Variants in NOL4 observed in about 807,000 individuals in gnomAD.
NOL4 encodes the protein cancer/testis antigen 125.
Under a neutral mutation model 75.9 loss-of-function variants are expected in NOL4, and 17 were observed. That is an observed-to-expected ratio of 0.22 (90% CI 0.15 to 0.34). The LOEUF is 0.34. NOL4 is among the 10% of genes least tolerant of loss of function. The pLI, the probability that NOL4 is intolerant of heterozygous loss-of-function variation, is 1.00. For synonymous variants in NOL4, 292 were observed against 289.9 expected, an observed-to-expected ratio of 1.01 and a Z score of -0.07; for missense variants, 614 against 793.5, an observed-to-expected ratio of 0.77 and a Z score of 2.72.
rs114701844 is a variant in NOL4 at position 34,057,870 on chromosome 18, A to C, written c.772+35595T>G. Among the ~76,000 whole-genome samples the C allele has an allele frequency of 3.0e-3, 457 of 152,258 alleles. 4 individuals are homozygous for C. The highest frequency in any genetic ancestry group is 0.011 in the African/African-American group (443 of 41,556). On this transcript the variant is annotated intron_variant, in intron 5 of 10. Coordinates refer to ENST00000261592, the MANE Select transcript of NOL4 (RefSeq NM_003787.5). ...TAACACATTTGCCTACTTTATCTTT[A>C]AGCTTCTATGATTATTCTGCACTTC...
chr18:33,982,676 A>G (rs1191339211), intron 6 of NOL4, among the ~76,000 whole-genome samples: 1 of 151,924 alleles, frequency 6.6e-6, no homozygotes, highest in Non-Finnish European at 1.5e-5. Context: ...TAAGGACACA[A>G]TTTAACCCAA....
At chr18:33,905,288 GAA>G (rs1181979848) in intron 9 of NOL4, among the ~76,000 whole-genome samples, 1 of 152,092 alleles carries the variant, frequency 6.6e-6, no homozygotes, top group East Asian at 1.9e-4. Flanking sequence ...GACTTGGAAA[GAA>G]AAAGGACCTG....
intron 10 of NOL4, among the ~76,000 whole-genome samples, chr18:33,868,656 C>T (rs978379151): frequency 1.5e-5 from 2 of 136,920 alleles, no homozygotes; most frequent in African/African-American, 5.9e-5. Context: ...ATTTCACACA[C>T]ACACACACAC....
intron 10 of NOL4, among the ~76,000 whole-genome samples, chr18:33,869,074 G>A (rs2063568618): frequency 6.6e-6 from 1 of 151,578 alleles, no homozygotes; most frequent in Non-Finnish European, 1.5e-5. Flanking sequence ...AAATATGTAG[G>A]TACCTATGAT....
chr18:34,033,296 T>C (rs2075732167), intron 5 of NOL4, among the ~76,000 whole-genome samples: 1 of 151,878 alleles, frequency 6.6e-6, no homozygotes, highest in Non-Finnish European at 1.5e-5. Flanking sequence ...TGAAAAACAA[T>C]TTAAAGAAAT....
At chr18:34,009,132 G>C (rs1437884320) in intron 6 of NOL4, among the ~76,000 whole-genome samples, 2 of 151,684 alleles carry the variant, frequency 1.3e-5, no homozygotes, top group East Asian at 1.9e-4. Flanking sequence ...AGTTTAATTG[G>C]ATAGATTCCA....
At chr18:34,008,367 G>GTCTA (rs1245531129) in intron 6 of NOL4, among the ~76,000 whole-genome samples, 3 of 101,634 alleles carry the variant, frequency 3.0e-5, no homozygotes, top group Non-Finnish European at 6.0e-5. Flanking sequence ...CTTTCTATCT[G>GTCTA]TCTGTCTATC....
intron 1 of NOL4, among the ~76,000 whole-genome samples, chr18:34,182,504 T>C (rs2034122150): frequency 6.6e-6 from 1 of 151,622 alleles, no homozygotes; most frequent in South Asian, 2.1e-4. Flanking sequence ...GCCTTGTGAA[T>C]ATATTTAAAA....
rs535186309 is a variant in NOL4, at chr18:33,897,637, A to G, written c.1543-14213T>C. On this transcript the variant is annotated intron_variant, in intron 9 of 10. Transcript: ENST00000261592. ...GGAAGGTGGGAGGAGGAAGAGGAGC[A>G]GAAAAGATAACTATTGGGTACTGGG... 5.3e-5 allele frequency among the ~76,000 whole-genome samples: 8 copies of G among 152,234 alleles called. No individual in the cohort carries two copies. The East Asian group carries it at 1.5e-3, about 29-fold the overall frequency.
chr18:33,897,398 T>C (rs964884869), intron 9 of NOL4, among the ~76,000 whole-genome samples: 2 of 152,114 alleles, frequency 1.3e-5, no homozygotes, highest in African/African-American at 4.8e-5. Context: ...ATTAAGAAAA[T>C]GTGGTATATA....
At chr18:34,091,282 G>A (rs2078509425) in intron 5 of NOL4, among the ~76,000 whole-genome samples, 1 of 151,862 alleles carries the variant, frequency 6.6e-6, no homozygotes, top group African/African-American at 2.4e-5. Context: ...AGAATTGCTT[G>A]AACCCGGGAG....
chr18:33,879,327 C>A (rs557988620), intron 10 of NOL4, among the ~76,000 whole-genome samples: 1 of 151,918 alleles, frequency 6.6e-6, no homozygotes, highest in Non-Finnish European at 1.5e-5. Flanking sequence ...TGAATGTTGG[C>A]ATTCTATAAG....
chr18:33,873,179 G>A (rs542327072), intron 10 of NOL4, among the ~76,000 whole-genome samples: 11 of 152,064 alleles, frequency 7.2e-5, no homozygotes, highest in African/African-American at 2.2e-4. Context: ...GGATTGCTTA[G>A]CTTCTGTGAA....
At chr18:33,990,581 C>T (rs1568179136) in intron 6 of NOL4, among the ~76,000 whole-genome samples, 1 of 152,068 alleles carries the variant, frequency 6.6e-6, no homozygotes, top group Admixed American at 6.6e-5. Flanking sequence ...TGCTATACTC[C>T]TAGACCTACA....
chr18:33,887,093 A>G (rs9783856), intron 9 of NOL4, among the ~76,000 whole-genome samples: 1 of 137,508 alleles, frequency 7.3e-6, no homozygotes, highest in Non-Finnish European at 1.5e-5. Flanking sequence ...TATATTAGAT[A>G]TAGATATATA....
chr18:33,909,099 G>T (rs998276466), intron 9 of NOL4, among the ~76,000 whole-genome samples: 13 of 152,024 alleles, frequency 8.6e-5, no homozygotes, highest in Admixed American at 8.5e-4. Context: ...GTTCTCTACT[G>T]TAACTTCTCA....
chr18:34,221,152 G>A (rs929177321), intron 1 of NOL4: 2 of 152,086 alleles, frequency 1.3e-5, no homozygotes, highest in Non-Finnish European at 1.5e-5. Flanking sequence ...TCCACGTGAA[G>A]CTATCTGACA....
rs528176442 is a variant in NOL4, at chr18:33,861,260, G to T, written c.1724-8225C>A. On this transcript the variant is annotated intron_variant, in intron 10 of 10. Transcript: ENST00000261592. ...TAGAATTTGGCTGTGAATCCATCTG[G>T]TCCTGGACTCTTTTTGGTTGGTAAG... 9.9e-5 allele frequency among the ~76,000 whole-genome samples: 15 copies of T among 152,162 alleles called. 1 individual carries two copies. In the South Asian group the frequency reaches 2.1e-3, roughly 21 times the overall value.
rs140551694 is a variant in NOL4, at chr18:34,216,488, G to A, written c.264+6502C>T. 4.6e-3 allele frequency among the ~76,000 whole-genome samples: 689 copies of A among 151,318 alleles called. 7 individuals are homozygous for A. The highest frequency in any genetic ancestry group is 0.016 in the African/African-American group (658 of 41,330). ...AGTCAATCAAATCAAGGAATTCAGA[G>A]GTAAAGGAAACCAGATAACAAAACA... On this transcript the variant is annotated intron_variant, in intron 1 of 10. Transcript: ENST00000261592.
Sources: gnomAD v4.1 joint callset for allele counts (sites outside exome capture counted in the v4.1 genomes callset) on GRCh38, gnomAD v4.1.1 for gene constraint, MANE v1.5 for transcripts, NCBI Gene and HGNC (gene_info 2026-07-23, HGNC 2026-07-21) for gene names.